The following IGFL2 variants were observed in gnomAD, a reference collection of about 807,000 sequenced individuals.
The protein encoded by IGFL2 is IGF like family member 2.
IGFL2 carries 7 observed loss-of-function variants against 13.9 expected under a neutral mutation model. The ratio of observed to expected loss-of-function variants is 0.51; its 90% CI spans 0.29 to 0.95. IGFL2 has a LOEUF of 0.95. Ranked by LOEUF, IGFL2 falls within the 40% of genes least tolerant of loss-of-function variation. IGFL2 has a pLI of 0.08. For missense variants in IGFL2, 138 were observed against 147.8 expected (o/e 0.93, Z 0.34); for synonymous variants, 55 against 55.8 (o/e 0.99, Z 0.07).
Position 46,160,915 on chromosome 19 carries a change from G to T in IGFL2, c.341+34G>T, listed in dbSNP as rs367982876. The T allele has an allele frequency of 1.9e-5, 30 of 1,608,418 alleles. No individual in the cohort carries two copies. In the African/African-American group the frequency reaches 1.9e-4, roughly 10 times the overall value. The stretch of plus-strand genomic sequence containing the variant: ...CCCGTCCCTGGCCAGGGGGTCGGGG[G>T]AAGGGAGGTGGAAATGAGGAGGGGA... On this transcript the variant is annotated intron_variant, in intron 3 of 3. Coordinates refer to ENST00000377693, the MANE Select transcript of IGFL2 (RefSeq NM_001135113.2).
chr19:46,185,979 C>T, the IGFL2 span, among the ~76,000 whole-genome samples: 2 of 152,142 alleles, frequency 1.3e-5, no homozygotes, highest in Non-Finnish European at 1.5e-5. Context: ...GTCATCGGCC[C>T]GGCCTCCGTC....
upstream of IGFL2, among the ~76,000 whole-genome samples, chr19:46,143,812 T>C (rs1413988375): frequency 6.6e-6 from 1 of 152,224 alleles, no homozygotes; most frequent in Non-Finnish European, 1.5e-5. Flanking sequence ...CACAGTGGCC[T>C]ACTGAGCTAT....
chr19:46,163,761 A>T (rs907087321), downstream of IGFL2: 2 of 152,372 alleles, frequency 1.3e-5, no homozygotes, highest in Non-Finnish European at 2.9e-5. Context: ...GAGACATGGG[A>T]ATGGGCACCA....
chr19:46,159,372 G>A (rs1201435800), intron 1 of IGFL2: 1 of 152,214 alleles, frequency 6.6e-6, no homozygotes, highest in Admixed American at 6.5e-5. Context: ...ATGGCCGGTG[G>A]TACTGGAGGC....
upstream of IGFL2, among the ~76,000 whole-genome samples, chr19:46,142,513 TTATC>T (rs1292053399): frequency 1.3e-5 from 2 of 152,218 alleles, no homozygotes; most frequent in African/African-American, 2.4e-5. Context: ...CTGAATCAAA[TTATC>T]TATTCCTTCT....
At chr19:46,131,415 A>G in the IGFL2 span, among the ~76,000 whole-genome samples, 1 of 152,178 alleles carries the variant, frequency 6.6e-6, no homozygotes, top group East Asian at 1.9e-4. Flanking sequence ...AATTTTCTAA[A>G]CCCTCCTCCT....
At chr19:46,084,526 TA>T in the IGFL2 span, among the ~76,000 whole-genome samples, 1 of 152,036 alleles carries the variant, frequency 6.6e-6, no homozygotes, top group Non-Finnish European at 1.5e-5. Context: ...ATAATTTATA[TA>T]AAAAAAGAGC....
the IGFL2 span, among the ~76,000 whole-genome samples, chr19:46,201,607 A>C: frequency 6.6e-6 from 1 of 152,090 alleles, no homozygotes; most frequent in Admixed American, 6.5e-5. Context: ...ATGGCCCGCT[A>C]TTATGTCTCT....
chr19:46,188,005 A>G, the IGFL2 span, among the ~76,000 whole-genome samples: 1 of 152,220 alleles, frequency 6.6e-6, no homozygotes, highest in Non-Finnish European at 1.5e-5. Flanking sequence ...CTGAGGTTAC[A>G]GTTTTTAAAT....
the IGFL2 span, among the ~76,000 whole-genome samples, chr19:46,205,603 T>TGAGAGA: frequency 1.3e-5 from 2 of 150,406 alleles, no homozygotes; most frequent in Admixed American, 6.6e-5. Flanking sequence ...ATTCAGGTGC[T>TGAGAGA]GAGAGAGAGA....
the IGFL2 span, chr19:46,209,071 G>T: frequency 6.6e-6 from 1 of 150,738 alleles, no homozygotes; most frequent in Non-Finnish European, 1.5e-5. Context: ...GGTCATCACC[G>T]TTTTTGGAGG....
chr19:46,118,695 A>G, the IGFL2 span, among the ~76,000 whole-genome samples: 2 of 152,162 alleles, frequency 1.3e-5, no homozygotes, highest in South Asian at 2.1e-4. Flanking sequence ...TACTGCTGCA[A>G]GGAGGCAGAG....
the IGFL2 span, among the ~76,000 whole-genome samples, chr19:46,187,470 G>C: frequency 4.2e-5 from 6 of 143,424 alleles, 1 homozygote; most frequent in African/African-American, 1.7e-4. Context: ...GAGACGGTAA[G>C]CATTAACCCG....
At chr19:46,094,704 A>G in the IGFL2 span, among the ~76,000 whole-genome samples, 3 of 151,548 alleles carry the variant, frequency 2.0e-5, no homozygotes, top group African/African-American at 4.9e-5. Context: ...GACAGGCCCC[A>G]GTGTGTGTTG....
At chr19:46,128,998 A>G in the IGFL2 span, among the ~76,000 whole-genome samples, 1 of 152,158 alleles carries the variant, frequency 6.6e-6, no homozygotes, top group Non-Finnish European at 1.5e-5. Flanking sequence ...TTGGTAGGCT[A>G]TTTATTGCTG....
At chr19:46,136,771 C>G in the IGFL2 span, 1 of 633,344 alleles carries the variant, frequency 1.6e-6, no homozygotes, top group South Asian at 1.4e-5. Flanking sequence ...GGCTGAAGCT[C>G]TGTCTCTCCA....
chr19:46,189,402 G>A, the IGFL2 span, among the ~76,000 whole-genome samples: 4 of 152,212 alleles, frequency 2.6e-5, no homozygotes, highest in Non-Finnish European at 5.9e-5. Context: ...AGGGAGACAG[G>A]CCTCTGGATA....
chr19:46,111,058 T>A, the IGFL2 span: 1 of 152,244 alleles, frequency 6.6e-6, no homozygotes, highest in South Asian at 2.1e-4. Context: ...TACCCCAGGG[T>A]AGTTGTTGAG....
rs1006106427 is a variant in IGFL2 at position 46,161,066 on chromosome 19, G to T, written c.342-4G>T. The T allele has an allele frequency of 6.3e-7, 1 of 1,589,010 alleles. No homozygotes were observed. The highest frequency in any genetic ancestry group is 1.8e-5 in the Admixed American group (1 of 55,542). On this transcript the variant is annotated splice_polypyrimidine_tract_variant and splice_region_variant and intron_variant, in intron 3 of 3. Transcript: ENST00000377693. Reference sequence around the variant, plus strand: ...GTAATTTCTTGGTTTCTTTTTCTCTGTAGCAGAAGACGTTTTCCCTGAGAA... The same window carrying T: ...GTAATTTCTTGGTTTCTTTTTCTCTTTAGCAGAAGACGTTTTCCCTGAGAA...
Sources: allele counts gnomAD v4.1 joint callset (sites outside exome capture counted in the v4.1 genomes callset), GRCh38; gene constraint gnomAD v4.1.1; transcripts MANE v1.5; gene names NCBI Gene and HGNC (gene_info 2026-07-23, HGNC 2026-07-21).